Variants in TOM1L2 observed in about 807,000 individuals in gnomAD.
TOM1L2 encodes TOM1-like protein 2.
In TOM1L2, 31 loss-of-function variants were observed where a neutral mutation model predicts 67.9. That is an observed-to-expected ratio of 0.46 (90% CI 0.34 to 0.62). TOM1L2 has a LOEUF of 0.62. Among genes scored for constraint, TOM1L2 ranks in the 20% least tolerant of loss-of-function variants. The probability of loss-of-function intolerance (pLI) is 0.01; values close to 1 mark genes in which losing one functional copy is unlikely to be tolerated. For synonymous variants in TOM1L2, 256 were observed against 254.0 expected (o/e 1.01, Z -0.07); for missense variants, 606 against 663.5 (o/e 0.91, Z 0.95).
chr17:17,963,489 C>T (rs1333946101), intron 1 of TOM1L2, among the ~76,000 whole-genome samples: 1 of 152,144 alleles, frequency 6.6e-6, no homozygotes, highest in Non-Finnish European at 1.5e-5. Context: ...AGCCAGGAAA[C>T]CTTGGGCAAG....
chr17:17,868,619 C>T (rs553178637), intron 8 of TOM1L2, among the ~76,000 whole-genome samples: 129 of 152,286 alleles, frequency 8.5e-4, no homozygotes, highest in Non-Finnish European at 1.5e-3. Flanking sequence ...CCAGTGTGCT[C>T]CCATCAGGTG....
At chr17:17,949,060 G>A (rs1474917116) in intron 1 of TOM1L2, among the ~76,000 whole-genome samples, 1 of 152,248 alleles carries the variant, frequency 6.6e-6, no homozygotes, top group African/African-American at 2.4e-5. Context: ...CTGGAGCCAT[G>A]AGGTGAAAGC....
rs1393187042 is a variant in TOM1L2 at position 17,847,461 on chromosome 17, G to A, written c.*174C>T. 2 of 784,642 alleles carry A rather than the reference G, an allele frequency of 2.5e-6. No homozygotes were observed. The highest frequency in any genetic ancestry group is 3.5e-5 in the African/African-American group (2 of 57,204). 48.6% of individuals were successfully genotyped at this position (784,642 alleles called of 1,614,324 possible). On this transcript the variant is annotated 3_prime_UTR_variant, in exon 15 of 15. Transcript: ENST00000379504. ...TTGTCCCACCACTCAGAGAAAAGAAGTGGCTGAAGCTGGTCCTGACTAGTG... is the reference window on the plus strand; with the variant it reads ...TTGTCCCACCACTCAGAGAAAAGAAATGGCTGAAGCTGGTCCTGACTAGTG...
At chr17:17,917,067 G>A (rs1255358133) in intron 1 of TOM1L2, among the ~76,000 whole-genome samples, 1 of 152,190 alleles carries the variant, frequency 6.6e-6, no homozygotes, top group Admixed American at 6.5e-5. Flanking sequence ...GGCTGAGGCA[G>A]GAGAGTCACT....
Position 17,876,176 on chromosome 17 carries a change from C to G in TOM1L2, c.777+3451G>C, listed in dbSNP as rs559356780. Among the ~76,000 whole-genome samples the G allele has an allele frequency of 5.6e-4, 85 of 152,358 alleles. 1 individual carries two copies. Among genetic ancestry groups the G allele is most frequent in the Non-Finnish European group, 1.0e-3 (71 of 68,044 alleles). ...TTTAAAGATCCCAGAAAGCCAAACT[C>G]AGGCTTTCTGCAGGTAAGGGCATGC... is the stretch of plus-strand genomic sequence containing the variant. On this transcript the variant is annotated intron_variant, in intron 7 of 14. Coordinates refer to ENST00000379504, the MANE Select transcript of TOM1L2 (RefSeq NM_001082968.2).
intron 1 of TOM1L2, among the ~76,000 whole-genome samples, chr17:17,951,948 A>G (rs1416135976): frequency 6.6e-6 from 1 of 152,186 alleles, no homozygotes; most frequent in Non-Finnish European, 1.5e-5. Context: ...TTTAGAGGGC[A>G]ATTTGGCAGT....
At chr17:17,922,239 G>C (rs973205565) in intron 1 of TOM1L2, among the ~76,000 whole-genome samples, 26 of 152,114 alleles carry the variant, frequency 1.7e-4, no homozygotes, top group African/African-American at 6.3e-4. Flanking sequence ...TACAAGGAAA[G>C]AGCAGGAATT....
intron 1 of TOM1L2, among the ~76,000 whole-genome samples, chr17:17,944,998 C>T (rs1157335225): frequency 1.3e-5 from 2 of 152,194 alleles, no homozygotes; most frequent in African/African-American, 2.4e-5. Flanking sequence ...GCACTGCCGC[C>T]GCCACACTAA....
rs58881326 is a variant in TOM1L2 at position 17,903,990 on chromosome 17, G to GATTATTATTATTATTATT, written c.137+3439_137+3456dup. Among the ~76,000 whole-genome samples the GATTATTATTATTATTATT allele has an allele frequency of 2.1e-3, 315 of 151,468 alleles. 1 individual carries two copies. Among genetic ancestry groups the GATTATTATTATTATTATT allele is most frequent in the Middle Eastern group, 6.9e-3 (2 of 290 alleles). ...TGGGAGTTTCTTTCACTCAGGAAGA[G>GATTATTATTATTATTATT]ATTATTATTATTATTATTATTTTTA... On this transcript the variant is annotated intron_variant, in intron 2 of 14. Transcript: ENST00000379504.
At chr17:17,875,027 T>C (rs2037352231) in intron 7 of TOM1L2, among the ~76,000 whole-genome samples, 1 of 151,896 alleles carries the variant, frequency 6.6e-6, no homozygotes, top group Admixed American at 6.6e-5. Context: ...GAGGCCGAGG[T>C]TGGTGGATCA....
At chr17:17,967,719 C>T (rs1044754750) in intron 1 of TOM1L2, among the ~76,000 whole-genome samples, 3 of 152,082 alleles carry the variant, frequency 2.0e-5, no homozygotes, top group Non-Finnish European at 4.4e-5. Flanking sequence ...GGGATTCTTC[C>T]GCCTCAGCCT....
chr17:17,939,000 C>T (rs1422193762), intron 1 of TOM1L2, among the ~76,000 whole-genome samples: 1 of 152,136 alleles, frequency 6.6e-6, no homozygotes, highest in African/African-American at 2.4e-5. Context: ...TCTGTCTGAC[C>T]TCTGAACCCA....
In TOM1L2 at chr17:17,843,526, A is replaced by G. The variant is rs997277999; in HGVS notation, c.*4109T>C. Reference sequence around the variant, plus strand: ...ACAGGCATAATTTGTTCAATTATTTATTTATTGTGGAGTATTTTACATGCA... The same window carrying G: ...ACAGGCATAATTTGTTCAATTATTTGTTTATTGTGGAGTATTTTACATGCA... On this transcript the variant is annotated 3_prime_UTR_variant, in exon 15 of 15. Coordinates refer to ENST00000379504, the MANE Select transcript of TOM1L2 (RefSeq NM_001082968.2). 1.3e-5 allele frequency: 2 copies of G among 152,160 alleles called. No homozygotes were observed. The highest frequency in any genetic ancestry group is 6.5e-5 in the Admixed American group (1 of 15,274). 9.4% of individuals were successfully genotyped at this position (152,160 alleles called of 1,614,324 possible).
chr17:17,945,710 A>T (rs2040917110), intron 1 of TOM1L2, among the ~76,000 whole-genome samples: 1 of 152,162 alleles, frequency 6.6e-6, no homozygotes, highest in African/African-American at 2.4e-5. Context: ...ATTCAGCACC[A>T]CATAAAACTG....
intron 7 of TOM1L2, among the ~76,000 whole-genome samples, chr17:17,871,541 T>C (rs974178815): frequency 1.3e-5 from 2 of 152,012 alleles, no homozygotes; most frequent in African/African-American, 2.4e-5. Context: ...CACAGTGGCA[T>C]GCACCTGTAA....
rs572156157 is a variant in TOM1L2 at position 17,843,981 on chromosome 17, T to C, written c.*3654A>G. ...GCACTTCAGGGGCTGACAGACAATG[T>C]CTCTGGGGTGGAAACACTTCTCTCT... On this transcript the variant is annotated 3_prime_UTR_variant, in exon 15 of 15. Transcript: ENST00000379504. 1 of 152,268 alleles carries C rather than the reference T, an allele frequency of 6.6e-6. No homozygotes were observed. The highest frequency in any genetic ancestry group is 2.1e-4 in the South Asian group (1 of 4,814). 9.4% of individuals were successfully genotyped at this position (152,268 alleles called of 1,614,324 possible).
At chr17:17,898,704 C>G (rs767441675) in intron 2 of TOM1L2, 30 bp from the exon 3 acceptor site, 1 of 1,611,854 alleles carries the variant, frequency 6.2e-7, no homozygotes, top group Admixed American at 1.7e-5. Context: ...TATAAAGATA[C>G]TTACAATCCC....
intron 12 of TOM1L2, among the ~76,000 whole-genome samples, chr17:17,855,570 C>T (rs2036214169): frequency 6.6e-6 from 1 of 152,198 alleles, no homozygotes; most frequent in Admixed American, 6.5e-5. Flanking sequence ...ATTGACAAGT[C>T]TCATTTCTCT....
chr17:17,855,990 T>G (rs563187868), intron 12 of TOM1L2, among the ~76,000 whole-genome samples: 3 of 150,532 alleles, frequency 2.0e-5, no homozygotes, highest in African/African-American at 7.3e-5. Flanking sequence ...CTGCAGTCAG[T>G]CAGGCAAGAC....
Sources: gnomAD v4.1 joint callset for allele counts (sites outside exome capture counted in the v4.1 genomes callset) on GRCh38, gnomAD v4.1.1 for gene constraint, MANE v1.5 for transcripts, NCBI Gene and HGNC (gene_info 2026-07-23, HGNC 2026-07-21) for gene names.